Variants in SPON1 observed in about 807,000 individuals in gnomAD.
SPON1 encodes the protein spondin 1.
A neutral mutation model predicts 111.7 loss-of-function variants in SPON1; 52 were observed. The ratio of observed to expected loss-of-function variants is 0.47; its 90% CI spans 0.37 to 0.59. The LOEUF (loss-of-function observed/expected upper bound fraction) is 0.59. Ranked by LOEUF, SPON1 falls within the 20% of genes least tolerant of loss-of-function variation. SPON1 has a pLI of 0.00. For synonymous variants in SPON1, 410 were observed against 395.8 expected, an observed-to-expected ratio of 1.04 and a Z score of -0.43; for missense variants, 957 against 1,068.5, an observed-to-expected ratio of 0.90 and a Z score of 1.46.
chr11:14,265,416 T>A (rs1446829091), intron 15 of SPON1, 108 bp from the exon 16 acceptor site: 2 of 1,271,778 alleles, frequency 1.6e-6, no homozygotes, highest in Non-Finnish European at 2.1e-6. Flanking sequence ...ATTACATACT[T>A]GAGCAGAGGA....
chr11:14,077,766 T>C (rs1554921648), intron 4 of SPON1, among the ~76,000 whole-genome samples: 1 of 150,932 alleles, frequency 6.6e-6, no homozygotes, highest in African/African-American at 2.4e-5. Flanking sequence ...ATTACAGGCA[T>C]GAGCTACCGT....
intron 2 of SPON1, among the ~76,000 whole-genome samples, chr11:14,004,981 A>G (rs1386737628): frequency 6.6e-6 from 1 of 152,136 alleles, no homozygotes; most frequent in Non-Finnish European, 1.5e-5. Flanking sequence ...TGATTTAAAA[A>G]AAATTTTTTT....
At chr11:14,016,238 C>T (rs76796414) in intron 2 of SPON1, among the ~76,000 whole-genome samples, 1,694 of 152,352 alleles carry the variant, frequency 0.011, 31 homozygotes, top group African/African-American at 0.039. Context: ...CTAAGTGCTA[C>T]GCACTTTACA....
At chr11:14,084,608 T>G (rs975342397) in intron 5 of SPON1, among the ~76,000 whole-genome samples, 2 of 152,264 alleles carry the variant, frequency 1.3e-5, no homozygotes, top group African/African-American at 4.8e-5. Context: ...GCAATAAGCA[T>G]AAATATGCAT....
chr11:14,001,317 C>G (rs1745223657), intron 2 of SPON1, among the ~76,000 whole-genome samples: 1 of 152,130 alleles, frequency 6.6e-6, no homozygotes, highest in Non-Finnish European at 1.5e-5. Context: ...CCCCAGGAGC[C>G]CTCATCAGGT....
chr11:14,188,749 A>G (rs1848313240), intron 6 of SPON1, among the ~76,000 whole-genome samples: 1 of 152,184 alleles, frequency 6.6e-6, no homozygotes, highest in South Asian at 2.1e-4. Flanking sequence ...TGACCTTGGG[A>G]AAGTCCTTAA....
At chr11:14,181,989 C>G (rs1398053611) in intron 6 of SPON1, among the ~76,000 whole-genome samples, 1 of 152,148 alleles carries the variant, frequency 6.6e-6, no homozygotes, top group Non-Finnish European at 1.5e-5. Context: ...TTAGAATTGT[C>G]AAGGGGTACC....
intron 7 of SPON1, among the ~76,000 whole-genome samples, chr11:14,244,469 G>A (rs1210973523): frequency 4.7e-5 from 7 of 150,170 alleles, no homozygotes; most frequent in Admixed American, 4.6e-4. Flanking sequence ...AGTGAGCTGA[G>A]ATCGCACCAC....
chr11:14,173,264 C>G (rs1430799109), intron 6 of SPON1, among the ~76,000 whole-genome samples: 6 of 152,286 alleles, frequency 3.9e-5, no homozygotes, highest in African/African-American at 1.4e-4. Flanking sequence ...CGCTGATACC[C>G]TTTCTTCCAG....
chr11:14,229,423 A>G (rs1427644295), intron 6 of SPON1, among the ~76,000 whole-genome samples: 1 of 152,194 alleles, frequency 6.6e-6, no homozygotes, highest in Non-Finnish European at 1.5e-5. Context: ...TGGGCATGAC[A>G]GGTGATGTAG....
intron 6 of SPON1, among the ~76,000 whole-genome samples, chr11:14,236,885 C>T (rs1289537422): frequency 1.3e-5 from 2 of 152,188 alleles, no homozygotes; most frequent in Admixed American, 6.5e-5. Flanking sequence ...GTGACCTTGA[C>T]GGGAGCAGTG....
chr11:13,966,574 G>C (rs1301229332), intron 1 of SPON1, among the ~76,000 whole-genome samples: 1 of 152,218 alleles, frequency 6.6e-6, no homozygotes, highest in African/African-American at 2.4e-5. Flanking sequence ...AGAATGTCCA[G>C]TAGAGGTTTC....
intron 2 of SPON1, among the ~76,000 whole-genome samples, chr11:14,018,646 T>TG (rs1848459890): frequency 6.6e-6 from 1 of 152,164 alleles, no homozygotes; most frequent in South Asian, 2.1e-4. Context: ...CAGAGCATGC[T>TG]GGGAGAACAA....
chr11:14,229,541 A>G (rs1554938430), intron 6 of SPON1, among the ~76,000 whole-genome samples: 1 of 152,164 alleles, frequency 6.6e-6, no homozygotes, highest in African/African-American at 2.4e-5. Flanking sequence ...CCCCTTCATT[A>G]CTATTCACCT....
intron 5 of SPON1, among the ~76,000 whole-genome samples, chr11:14,099,359 C>T (rs1849126242): frequency 6.6e-6 from 1 of 151,980 alleles, no homozygotes; most frequent in African/African-American, 2.4e-5. Flanking sequence ...ATACTGTTCC[C>T]TTCTATTTCT....
chr11:14,217,687 G>A (rs1554937257), intron 6 of SPON1, among the ~76,000 whole-genome samples: 1 of 151,526 alleles, frequency 6.6e-6, no homozygotes, highest in African/African-American at 2.4e-5. Flanking sequence ...TATAATTTGT[G>A]CCACTTATTA....
chr11:14,233,942 T>C (rs935200835), intron 6 of SPON1, among the ~76,000 whole-genome samples: 24 of 151,798 alleles, frequency 1.6e-4, no homozygotes, highest in African/African-American at 5.8e-4. Context: ...TTTGTACTTT[T>C]AGAGATGGGG....
rs549921224 is a variant in SPON1 at position 13,992,895 on chromosome 11, C to A, written c.345+9942C>A. ...TCTGTGGGCTGCACCCACTGTCCAA[C>A]CAGTCCCAATGAGATGAACCAGGTA... On this transcript the variant is annotated intron_variant, in intron 2 of 15. Transcript: ENST00000576479. Among the ~76,000 whole-genome samples, 4 of 152,232 alleles carry A rather than the reference C, an allele frequency of 2.6e-5. No homozygotes were observed. In the South Asian group the frequency reaches 8.3e-4, roughly 32 times the overall value.
At chr11:14,173,415 T>G (rs1306314953) in intron 6 of SPON1, among the ~76,000 whole-genome samples, 1 of 152,176 alleles carries the variant, frequency 6.6e-6, no homozygotes, top group Non-Finnish European at 1.5e-5. Context: ...TCAAGGTTTT[T>G]AATTGCTTTG....
Sources: gnomAD v4.1 joint callset for allele counts (sites outside exome capture counted in the v4.1 genomes callset) on GRCh38, gnomAD v4.1.1 for gene constraint, MANE v1.5 for transcripts, NCBI Gene and HGNC (gene_info 2026-07-23, HGNC 2026-07-21) for gene names.